The following CNTNAP2 variants were observed in gnomAD, a reference collection of about 807,000 sequenced individuals.
The protein encoded by CNTNAP2 is contactin associated protein 2.
CNTNAP2 carries 98 observed loss-of-function variants against 155.2 expected under a neutral mutation model. The ratio of observed to expected loss-of-function variants is 0.63; its 90% CI spans 0.54 to 0.75. The LOEUF (loss-of-function observed/expected upper bound fraction) is 0.75, where lower values mean the gene tolerates loss of function less well. Among genes scored for constraint, CNTNAP2 ranks in the 30% least tolerant of loss-of-function variants. The pLI is 0.00. For missense variants in CNTNAP2, 1,727 were observed against 1,688.1 expected (o/e 1.02, Z -0.40); for synonymous variants, 651 against 631.2 (o/e 1.03, Z -0.47).
intron 21 of CNTNAP2, among the ~76,000 whole-genome samples, chr7:148,312,309 C>T (rs185088039): frequency 8.6e-4 from 131 of 152,234 alleles, no homozygotes; most frequent in African/African-American, 2.9e-3. Flanking sequence ...TAGCCAGACA[C>T]GATCAGCAGG....
chr7:146,715,472 A>C (rs1045347418), intron 1 of CNTNAP2, among the ~76,000 whole-genome samples: 1 of 151,868 alleles, frequency 6.6e-6, no homozygotes, highest in African/African-American at 2.4e-5. Flanking sequence ...TTTGTCTACT[A>C]TGATATTCAT....
chr7:146,268,406 T>C (rs926568198), intron 1 of CNTNAP2, among the ~76,000 whole-genome samples: 5 of 152,130 alleles, frequency 3.3e-5, no homozygotes, highest in East Asian at 1.9e-4. Flanking sequence ...AACTAACCAA[T>C]TGGAGGTGCC....
intron 2 of CNTNAP2, among the ~76,000 whole-genome samples, chr7:146,831,669 C>CAAAAAAAAAAAA (rs531970313): frequency 1.2e-4 from 2 of 16,804 alleles, no homozygotes; most frequent in East Asian, 1.7e-3. Flanking sequence ...AGCAAGACGC[C>CAAAAAAAAAAAA]AAAAAAAAAA....
chr7:147,041,330 G>T (rs1186604293), intron 3 of CNTNAP2, among the ~76,000 whole-genome samples: 1 of 151,976 alleles, frequency 6.6e-6, no homozygotes, highest in African/African-American at 2.4e-5. Context: ...TTACCAATAA[G>T]CGCATCAAAT....
intron 3 of CNTNAP2, among the ~76,000 whole-genome samples, chr7:147,023,777 T>A (rs2129247514): frequency 6.6e-6 from 1 of 152,342 alleles, no homozygotes; most frequent in South Asian, 2.1e-4. Flanking sequence ...TCACCTGCAG[T>A]CACCACTGGA....
chr7:146,742,661 AT>A, intron 1 of CNTNAP2, among the ~76,000 whole-genome samples: 1 of 152,276 alleles, frequency 6.6e-6, no homozygotes, highest in East Asian at 1.9e-4. Flanking sequence ...AATGAAGAAG[AT>A]TTAAGTAGGT....
intron 21 of CNTNAP2, among the ~76,000 whole-genome samples, chr7:148,344,045 C>T (rs1798279100): frequency 6.6e-6 from 1 of 152,164 alleles, no homozygotes; most frequent in Non-Finnish European, 1.5e-5. Context: ...CCTAGGAGTG[C>T]CTTGGGTGAG....
chr7:147,657,295 G>A (rs1795539264), intron 13 of CNTNAP2, among the ~76,000 whole-genome samples: 1 of 152,104 alleles, frequency 6.6e-6, no homozygotes, highest in South Asian at 2.1e-4. Flanking sequence ...AAGATTAAAA[G>A]TGACAGAGGC....
rs1404534990 is a variant in CNTNAP2, at chr7:148,417,222, A to ATGGAAATTCTAGTTTGTTAGAATT, written c.*1607_*1630dup. The ATGGAAATTCTAGTTTGTTAGAATT allele has an allele frequency of 1.3e-5, 2 of 152,338 alleles. No homozygotes were observed. Among genetic ancestry groups the ATGGAAATTCTAGTTTGTTAGAATT allele is most frequent in the Non-Finnish European group, 2.9e-5 (2 of 68,046 alleles). The allele number at this position is 152,338 out of a possible 1,614,324, so 9.4% of individuals were successfully genotyped here. A position where few individuals can be genotyped will look rare whatever the true frequency, so the allele number is the denominator to read the frequency against. ...TGTTCTGATGGCCCGGCTGAATAAAATGGAAATTCTAGTTTGTTAGAATTA... is the reference window on the plus strand; with the variant it reads ...TGTTCTGATGGCCCGGCTGAATAAAATGGAAATTCTAGTTTGTTAGAATTTGGAAATTCTAGTTTGTTAGAATTA... On this transcript the variant is annotated 3_prime_UTR_variant, in exon 24 of 24. Coordinates refer to ENST00000361727, the MANE Select transcript of CNTNAP2 (RefSeq NM_014141.6).
chr7:146,855,285 GAACTAAAAATGCATTTATTCTTCAACCC>G (rs1433175376), intron 3 of CNTNAP2, among the ~76,000 whole-genome samples: 1 of 152,054 alleles, frequency 6.6e-6, no homozygotes, highest in Non-Finnish European at 1.5e-5. Context: ...ATACCCAGCA[GAACTAAAAATGCATTTATTCTTCAACCC>G]AACTATCTCA....
At chr7:147,486,731 A>C (rs1798517350) in intron 11 of CNTNAP2, among the ~76,000 whole-genome samples, 1 of 152,206 alleles carries the variant, frequency 6.6e-6, no homozygotes, top group Non-Finnish European at 1.5e-5. Context: ...AAAAAATTTA[A>C]TGCTAACTCT....
intron 1 of CNTNAP2, among the ~76,000 whole-genome samples, chr7:146,429,919 T>G (rs1796148373): frequency 6.6e-6 from 1 of 152,072 alleles, no homozygotes; most frequent in Non-Finnish European, 1.5e-5. Flanking sequence ...TTATTGAGAG[T>G]TTTTAACATG....
chr7:147,426,671 A>G (rs1371817309), intron 10 of CNTNAP2, among the ~76,000 whole-genome samples: 4 of 152,186 alleles, frequency 2.6e-5, no homozygotes. Flanking sequence ...AACATCTGTG[A>G]TTTTTCTTGT....
chr7:147,185,633 A>G lies in CNTNAP2; in HGVS notation c.1348+53124A>G, dbSNP rs192812765. ...ATCTAATGTTAAGCAACAACTTTAAAAAACCAAAATTCAGAATACTAGGAA... is the reference window on the plus strand; with the variant it reads ...ATCTAATGTTAAGCAACAACTTTAAGAAACCAAAATTCAGAATACTAGGAA... On this transcript the variant is annotated intron_variant, in intron 8 of 23. Coordinates refer to ENST00000361727, the MANE Select transcript of CNTNAP2 (RefSeq NM_014141.6). Among the ~76,000 whole-genome samples the G allele has an allele frequency of 3.9e-5, 6 of 152,218 alleles. 1 individual carries two copies. Among genetic ancestry groups the G allele is most frequent in the South Asian group, 4.1e-4 (2 of 4,830 alleles).
chr7:146,301,961 C>A (rs1209584905), intron 1 of CNTNAP2, among the ~76,000 whole-genome samples: 1 of 152,100 alleles, frequency 6.6e-6, no homozygotes, highest in African/African-American at 2.4e-5. Context: ...GTTCAAGCTA[C>A]CTCGTAGGAC....
intron 3 of CNTNAP2, among the ~76,000 whole-genome samples, chr7:146,999,351 C>T (rs1798379503): frequency 6.6e-6 from 1 of 150,728 alleles, no homozygotes; most frequent in Non-Finnish European, 1.5e-5. Context: ...TTTTATATTG[C>T]ATATCGATTA....
intron 1 of CNTNAP2, among the ~76,000 whole-genome samples, chr7:146,526,570 G>A (rs1285514023): frequency 6.6e-6 from 1 of 152,074 alleles, no homozygotes; most frequent in Non-Finnish European, 1.5e-5. Flanking sequence ...AACCATTCCT[G>A]AGAAATCCTC....
chr7:146,674,402 G>C (rs1446618760), intron 1 of CNTNAP2, among the ~76,000 whole-genome samples: 1 of 152,056 alleles, frequency 6.6e-6, no homozygotes, highest in Non-Finnish European at 1.5e-5. Context: ...ATGGAGGTGG[G>C]CTAATAAGTT....
intron 1 of CNTNAP2, among the ~76,000 whole-genome samples, chr7:146,252,386 G>A (rs897559428): frequency 1.3e-5 from 2 of 152,240 alleles, no homozygotes; most frequent in East Asian, 1.9e-4. Context: ...GTTTCCTACT[G>A]GACAGAGAGA....
Sources: allele counts gnomAD v4.1 joint callset (sites outside exome capture counted in the v4.1 genomes callset), GRCh38; gene constraint gnomAD v4.1.1; transcripts MANE v1.5; gene names NCBI Gene and HGNC (gene_info 2026-07-23, HGNC 2026-07-21).